MRTFA: variants seen among roughly 807,000 people sequenced by gnomAD.
MRTFA encodes the protein myocardin-related transcription factor A.
MRTFA carries 20 observed loss-of-function variants against 83.5 expected under a neutral mutation model. That is an observed-to-expected ratio of 0.24 (90% CI 0.17 to 0.35). MRTFA has a LOEUF of 0.35. Ranked by LOEUF, MRTFA falls within the 10% of genes least tolerant of loss-of-function variation. MRTFA has a pLI of 1.00. For synonymous variants in MRTFA, 659 were observed against 541.2 expected (o/e 1.22, Z -3.02); for missense variants, 1,200 against 1,224.7 (o/e 0.98, Z 0.30).
At chr22:40,588,409 T>C (rs983387247) in intron 2 of MRTFA, among the ~76,000 whole-genome samples, 6 of 152,204 alleles carry the variant, frequency 3.9e-5, no homozygotes, top group East Asian at 1.9e-4. Context: ...AGTGACGCTA[T>C]TGGCATTTTG....
intron 1 of MRTFA, among the ~76,000 whole-genome samples, chr22:40,609,542 G>A (rs1426747003): frequency 2.9e-5 from 4 of 139,736 alleles, no homozygotes; most frequent in Non-Finnish European, 6.2e-5. Flanking sequence ...GACTAACCAA[G>A]ATTTTAGGCT....
intron 3 of MRTFA, among the ~76,000 whole-genome samples, chr22:40,464,494 G>T (rs1375142628): frequency 6.7e-6 from 1 of 150,288 alleles, no homozygotes; most frequent in Non-Finnish European, 1.5e-5. Context: ...GGGCAACAGA[G>T]CAAGACCCCG....
chr22:40,547,333 CAG>C (rs536729947), intron 3 of MRTFA, among the ~76,000 whole-genome samples: 45 of 151,848 alleles, frequency 3.0e-4, no homozygotes, highest in African/African-American at 1.0e-3. Flanking sequence ...CACACAATGA[CAG>C]ATAATAATAA....
chr22:40,515,624 C>T (rs755049199), intron 3 of MRTFA, among the ~76,000 whole-genome samples: 9 of 151,774 alleles, frequency 5.9e-5, no homozygotes, highest in South Asian at 2.1e-4. Flanking sequence ...ACTCAGGTGG[C>T]GGAGGAACCT....
chr22:40,598,658 T>A (rs2056220348), intron 1 of MRTFA, among the ~76,000 whole-genome samples: 1 of 152,076 alleles, frequency 6.6e-6, no homozygotes, highest in Non-Finnish European at 1.5e-5. Flanking sequence ...AAATTAGATG[T>A]GTGTGCCCCC....
chr22:40,550,852 CTT>C (rs111531159), intron 3 of MRTFA, among the ~76,000 whole-genome samples: 13 of 89,506 alleles, frequency 1.5e-4, no homozygotes, highest in Non-Finnish European at 2.4e-4. Flanking sequence ...TTTCTTTTTT[CTT>C]TTTTTTTTTT....
chr22:40,539,462 C>T (rs190317447), intron 3 of MRTFA, among the ~76,000 whole-genome samples: 5 of 144,438 alleles, frequency 3.5e-5, no homozygotes, highest in African/African-American at 9.8e-5. Flanking sequence ...GCCTTAGCCT[C>T]CCAAGTAGCT....
At chr22:40,609,498 A>C (rs1214645089) in intron 1 of MRTFA, among the ~76,000 whole-genome samples, 1 of 151,394 alleles carries the variant, frequency 6.6e-6, no homozygotes, top group Non-Finnish European at 1.5e-5. Flanking sequence ...AAAAAAAAAA[A>C]AAAAAACACT....
chr22:40,516,728 T>C (rs1174039328), intron 3 of MRTFA, among the ~76,000 whole-genome samples: 1 of 152,166 alleles, frequency 6.6e-6, no homozygotes, highest in Non-Finnish European at 1.5e-5. Flanking sequence ...GAAATATTAC[T>C]AGACTGTAAT....
intron 1 of MRTFA, among the ~76,000 whole-genome samples, chr22:40,603,294 C>A (rs947401514): frequency 2.0e-5 from 3 of 152,206 alleles, no homozygotes; most frequent in Non-Finnish European, 2.9e-5. Flanking sequence ...TATTAATCCA[C>A]AAACCACATT....
intron 3 of MRTFA, among the ~76,000 whole-genome samples, chr22:40,503,798 T>A (rs1041601046): frequency 2.6e-5 from 4 of 152,192 alleles, no homozygotes; most frequent in African/African-American, 9.6e-5. Context: ...GGCGCATGCC[T>A]GTAATCCCAG....
At chr22:40,474,948 C>T (rs903683738) in intron 3 of MRTFA, among the ~76,000 whole-genome samples, 4 of 152,066 alleles carry the variant, frequency 2.6e-5, no homozygotes, top group Admixed American at 6.5e-5. Flanking sequence ...AAGCTATTCT[C>T]CTGCCTCAGC....
At chr22:40,578,174 G>A (rs978466670) in intron 2 of MRTFA, among the ~76,000 whole-genome samples, 6 of 151,036 alleles carry the variant, frequency 4.0e-5, no homozygotes, top group Admixed American at 6.6e-5. Flanking sequence ...GGCTGGTCTC[G>A]AACTCCTGAC....
chr22:40,511,935 T>C (rs2054674709), intron 3 of MRTFA, among the ~76,000 whole-genome samples: 1 of 152,224 alleles, frequency 6.6e-6, no homozygotes. Context: ...CACTATCCAA[T>C]ACTTTTCCAA....
chr22:40,432,831 G>A (rs567554696), intron 5 of MRTFA, among the ~76,000 whole-genome samples: 240 of 152,324 alleles, frequency 1.6e-3, no homozygotes, highest in African/African-American at 5.5e-3. Flanking sequence ...CACCCCACGT[G>A]CAGTGGGCAG....
chr22:40,600,171 T>C (rs2056242538), intron 1 of MRTFA, among the ~76,000 whole-genome samples: 1 of 152,140 alleles, frequency 6.6e-6, no homozygotes, highest in Non-Finnish European at 1.5e-5. Context: ...TCTCTCTGCC[T>C]GATTCCTCTG....
intron 3 of MRTFA, among the ~76,000 whole-genome samples, chr22:40,498,375 C>T (rs1047606489): frequency 2.2e-5 from 3 of 138,426 alleles, no homozygotes; most frequent in African/African-American, 8.2e-5. Flanking sequence ...GCCCTGATCT[C>T]CTGGGCTGAG....
At chr22:40,581,467 T>C (rs1384486000) in intron 2 of MRTFA, among the ~76,000 whole-genome samples, 5 of 152,188 alleles carry the variant, frequency 3.3e-5, no homozygotes, top group African/African-American at 4.8e-5. Flanking sequence ...TATTAGGGTT[T>C]CTCTTTCCCC....
chr22:40,453,052 T>C (rs948206974), intron 4 of MRTFA, among the ~76,000 whole-genome samples: 4 of 152,108 alleles, frequency 2.6e-5, no homozygotes, highest in Admixed American at 6.6e-5. Flanking sequence ...TTGACACAAA[T>C]GCAACGTAAA....
Sources: gnomAD v4.1 joint callset for allele counts (sites outside exome capture counted in the v4.1 genomes callset) on GRCh38, gnomAD v4.1.1 for gene constraint, MANE v1.5 for transcripts, NCBI Gene and HGNC (gene_info 2026-07-23, HGNC 2026-07-21) for gene names.